DYNC2H1: variants seen among roughly 807,000 people sequenced by gnomAD.
The protein encoded by DYNC2H1 is cytoplasmic dynein 2 heavy chain 1.
DYNC2H1 carries 410 observed loss-of-function variants against 570.0 expected under a neutral mutation model. The ratio of observed to expected loss-of-function variants is 0.72; its 90% confidence interval spans 0.66 to 0.78. DYNC2H1 has a LOEUF of 0.78. Ranked by LOEUF, DYNC2H1 falls within the 30% of genes least tolerant of loss-of-function variation. DYNC2H1 has a pLI of 0.00. For synonymous variants in DYNC2H1, 1,688 were observed against 1,677.6 expected (o/e 1.01, Z -0.15); for missense variants, 4,865 against 5,046.4 (o/e 0.96, Z 1.09).
At position 103,220,011 on chromosome 11, in the gene DYNC2H1, G is replaced by T; in HGVS notation, c.8929G>T (p.Glu2977Ter). Reference sequence around the variant, plus strand: ...AGAAAGAAAAAATAAAATTGATGATGAATTAAAAGAAGTACAAGTAAGTTA... The same window carrying T: ...AGAAAGAAAAAATAAAATTGATGATTAATTAAAAGAAGTACAAGTAAGTTA... ...IEERKNKIDDELKEVQPLVNE... is the reference protein window; with the variant it reads ...IEERKNKIDD Residue 2977 changes from glutamate to a stop codon, truncating the protein, a stop_gained, in exon 56 of 89, where the codon GAA becomes TAA. Coordinates refer to ENST00000375735, the MANE Select transcript of DYNC2H1 (RefSeq NM_001377.3). LOFTEE classifies it high-confidence loss of function. 6.9e-7 allele frequency: 1 copy of T among 1,454,472 alleles called. No homozygotes were observed. Among genetic ancestry groups the T allele is most frequent in the South Asian group, 1.4e-5 (1 of 71,388 alleles). The allele number at this position is 1,454,472 out of a possible 1,614,324, so 90.1% of individuals were successfully genotyped here.
At chr11:103,315,804 G>T (rs1367743046) in intron 79 of DYNC2H1, among the ~76,000 whole-genome samples, 1 of 151,984 alleles carries the variant, frequency 6.6e-6, no homozygotes, top group Non-Finnish European at 1.5e-5. Flanking sequence ...CTACATGAGG[G>T]CAGGGATAAT....
intron 83 of DYNC2H1, 101 bp from the exon 84 acceptor site, chr11:103,399,562 T>A: frequency 2.5e-6 from 2 of 816,066 alleles, no homozygotes; most frequent in Non-Finnish European, 3.7e-6. Context: ...AAATAGTTTT[T>A]AAAACAGAAT....
intron 62 of DYNC2H1, 117 bp from the exon 63 acceptor site, chr11:103,236,313 T>A (rs1340469096): frequency 1.5e-6 from 1 of 654,382 alleles, no homozygotes; most frequent in African/African-American, 1.9e-5. Context: ...TGTGGAAGAA[T>A]GGGTTTCAAG....
intron 40 of DYNC2H1, 21 bp from the exon 41 acceptor site, chr11:103,184,875 A>G: frequency 1.2e-6 from 2 of 1,608,904 alleles, no homozygotes; most frequent in Non-Finnish European, 1.7e-6. Flanking sequence ...GTCTGTTTGT[A>G]TCACGGATTT....
chr11:103,416,470 C>A (rs1943287393), intron 84 of DYNC2H1, among the ~76,000 whole-genome samples: 1 of 152,040 alleles, frequency 6.6e-6, no homozygotes, highest in Admixed American at 6.6e-5. Context: ...GATTATAGAC[C>A]AATGGAACAG....
chr11:103,362,636 TTTG>T (rs1383793308), intron 83 of DYNC2H1, among the ~76,000 whole-genome samples: 2 of 152,210 alleles, frequency 1.3e-5, no homozygotes, highest in East Asian at 3.8e-4. Context: ...TTTCTGTCCC[TTTG>T]TTTTCTTTGA....
At chr11:103,271,025 GCCTCCATTT>G (rs1415588580) in intron 70 of DYNC2H1, among the ~76,000 whole-genome samples, 1 of 152,108 alleles carries the variant, frequency 6.6e-6, no homozygotes, top group African/African-American at 2.4e-5. Flanking sequence ...CGCTCACCTT[GCCTCCATTT>G]CCATATGAAT....
In DYNC2H1 at chr11:103,163,343, G is replaced by A. The variant is rs1019934999; in HGVS notation, c.4611+196G>A. ...GATGAATTGAGATCCAAGCAACCTAGGCCAGTGGTGAGTAGGATGGGGAGG... is the reference window on the plus strand; with the variant it reads ...GATGAATTGAGATCCAAGCAACCTAAGCCAGTGGTGAGTAGGATGGGGAGG... On this transcript the variant is annotated intron_variant, in intron 30 of 88. Coordinates refer to ENST00000375735, the MANE Select transcript of DYNC2H1 (RefSeq NM_001377.3). The surrounding 1 kb of genome is among the most constrained non-coding windows in gnomAD (Gnocchi z 4.6). Among the ~76,000 whole-genome samples, 5 of 152,276 alleles carry A rather than the reference G, an allele frequency of 3.3e-5. No individual in the cohort carries two copies. Among genetic ancestry groups the A allele is most frequent in the African/African-American group, 1.2e-4 (5 of 41,572 alleles).
chr11:103,335,771 T>C (rs1312190915), intron 82 of DYNC2H1, among the ~76,000 whole-genome samples: 1 of 152,166 alleles, frequency 6.6e-6, no homozygotes, highest in African/African-American at 2.4e-5. Context: ...ATGATGATAA[T>C]GATTTTTATA....
intron 73 of DYNC2H1, among the ~76,000 whole-genome samples, chr11:103,283,841 G>GAAA (rs919619533): frequency 6.6e-6 from 1 of 150,942 alleles, no homozygotes. Context: ...TAAAAGAAAT[G>GAAA]AAAAAAAGGG....
chr11:103,386,270 G>C (rs1941866348), intron 83 of DYNC2H1, among the ~76,000 whole-genome samples: 1 of 152,078 alleles, frequency 6.6e-6, no homozygotes, highest in South Asian at 2.1e-4. Flanking sequence ...TGCTTTGTTT[G>C]TAGACTTCCT....
In DYNC2H1 at chr11:103,109,675, G is replaced by C. The variant is rs767516556; in HGVS notation, c.101G>C (p.Cys34Ser). The change falls in exon 1 of 89, where the codon TGC (cysteine) becomes TCC (serine). Residue 34 changes from cysteine (C) to serine (S), a missense_variant. By Grantham distance (112) the Cys-to-Ser change is moderately radical. Around this residue, in one of 5 missense-constraint regions of DYNC2H1, gnomAD observed 1,936 missense variants for 1,962.1 expected, o/e 0.99. Transcript: ENST00000375735. ...MSELWDQPLL[C>S]NCLEINNFLD... Reference sequence around the variant, plus strand: ...GAACTCTGGGATCAGCCACTGTTGTGCAACTGTCTTGAAATCAACAACTTC... The same window carrying C: ...GAACTCTGGGATCAGCCACTGTTGTCCAACTGTCTTGAAATCAACAACTTC... The C allele has an allele frequency of 3.1e-6, 5 of 1,613,904 alleles. No individual in the cohort carries two copies. In the South Asian group the frequency reaches 4.4e-5, roughly 14 times the overall value.
In DYNC2H1 at chr11:103,289,826, G is replaced by A. The variant is rs983642861; in HGVS notation, c.11095+2221G>A. On this transcript the variant is annotated intron_variant, in intron 75 of 88. Transcript: ENST00000375735. The surrounding 1 kb of genome is among the most constrained non-coding windows in gnomAD (Gnocchi z 4.2). The stretch of plus-strand genomic sequence containing the variant: ...CCATATATAATGTTGAATTAAATTT[G>A]ACATCCTATATTTAGTTACGATATT... 1.3e-5 allele frequency among the ~76,000 whole-genome samples: 2 copies of A among 152,114 alleles called. No individual in the cohort carries two copies. Among genetic ancestry groups the A allele is most frequent in the Non-Finnish European group, 2.9e-5 (2 of 68,014 alleles).
chr11:103,313,983 T>C (rs1937660863), intron 79 of DYNC2H1, among the ~76,000 whole-genome samples: 3 of 152,182 alleles, frequency 2.0e-5, no homozygotes, highest in African/African-American at 7.2e-5. Context: ...GTCCTTAGCC[T>C]AATATATCAA....
intron 84 of DYNC2H1, among the ~76,000 whole-genome samples, chr11:103,411,774 TTTCTTAA>T (rs1338547055): frequency 1.3e-5 from 2 of 152,116 alleles, no homozygotes; most frequent in Non-Finnish European, 2.9e-5. Flanking sequence ...GGATGGCTTA[TTTCTTAA>T]TTAACATGTA....
At chr11:103,393,064 A>T (rs1346415986) in intron 83 of DYNC2H1, among the ~76,000 whole-genome samples, 1 of 152,058 alleles carries the variant, frequency 6.6e-6, no homozygotes, top group African/African-American at 2.4e-5. Context: ...TTGTGTTTTT[A>T]GTAGAGACGG....
At chr11:103,414,473 G>A (rs1043302228) in intron 84 of DYNC2H1, among the ~76,000 whole-genome samples, 14 of 152,080 alleles carry the variant, frequency 9.2e-5, no homozygotes, top group African/African-American at 3.4e-4. Context: ...ACAAAAATTA[G>A]CTGGGCTTGG....
At chr11:103,206,483 T>TA (rs1224309244) in intron 52 of DYNC2H1, among the ~76,000 whole-genome samples, 1 of 152,100 alleles carries the variant, frequency 6.6e-6, no homozygotes, top group Admixed American at 6.5e-5. Context: ...GAATGAATGA[T>TA]ATCACCAAGA....
Position 103,369,872 on chromosome 11 carries a change from T to A in DYNC2H1, c.12156+11513T>A, listed in dbSNP as rs1338363474. ...GGTTCTGAGGCTTACTGGCTTCAGG[T>A]GAGACTCAGCACATTCCCAGCTGTG... is the stretch of plus-strand genomic sequence containing the variant. On this transcript the variant is annotated intron_variant, in intron 83 of 88. Coordinates refer to ENST00000375735, the MANE Select transcript of DYNC2H1 (RefSeq NM_001377.3). This position sits in a 1 kb window ranked among gnomAD's most constrained non-coding sequence, Gnocchi z 4.0. Among the ~76,000 whole-genome samples, 2 of 152,164 alleles carry A rather than the reference T, an allele frequency of 1.3e-5. No homozygotes were observed. Among genetic ancestry groups the A allele is most frequent in the South Asian group, 4.1e-4 (2 of 4,826 alleles).
Sources: allele counts gnomAD v4.1 joint callset (sites outside exome capture counted in the v4.1 genomes callset), GRCh38; gene constraint gnomAD v4.1.1; regional missense constraint gnomAD v4.1.1; non-coding constraint Gnocchi (gnomAD v3.1); transcripts MANE v1.5; gene names NCBI Gene and HGNC (gene_info 2026-07-23, HGNC 2026-07-21).